The following MSRA variants were observed in gnomAD, a reference collection of about 807,000 sequenced individuals.
MSRA encodes methionine sulfoxide reductase A.
Under a neutral mutation model 31.3 loss-of-function variants are expected in MSRA, and 54 were observed. That is an observed-to-expected ratio of 1.73 (90% CI 1.39 to 2.17). MSRA has a LOEUF of 2.17. MSRA is among the 30% of genes most tolerant of loss of function. MSRA has a pLI of 0.00. For missense variants in MSRA, 507 were observed against 300.9 expected, an observed-to-expected ratio of 1.69 and a Z score of -5.07; for synonymous variants, 169 against 116.5, an observed-to-expected ratio of 1.45 and a Z score of -2.90.
chr8:10,129,980 A>G (rs915040484), intron 1 of MSRA, among the ~76,000 whole-genome samples: 1 of 152,208 alleles, frequency 6.6e-6, no homozygotes, highest in Non-Finnish European at 1.5e-5. Flanking sequence ...GTGAGTTTGT[A>G]TGTGCACCTA....
Position 10,415,340 on chromosome 8 carries a change from G to A in MSRA, c.544-12808G>A, listed in dbSNP as rs564570510. 2.1e-3 allele frequency among the ~76,000 whole-genome samples: 316 copies of A among 152,224 alleles called. 3 individuals carry two copies. The highest frequency in any genetic ancestry group is 6.9e-3 in the African/African-American group (287 of 41,538). On this transcript the variant is annotated intron_variant, in intron 5 of 5. Coordinates refer to ENST00000317173, the MANE Select transcript of MSRA (RefSeq NM_012331.5). ...AGGAAGTAATGGGAAAACAAATGACGGCCACCCACTTCCTCTGGGTTCCCA... is the reference window on the plus strand; with the variant it reads ...AGGAAGTAATGGGAAAACAAATGACAGCCACCCACTTCCTCTGGGTTCCCA...
At chr8:10,323,666 T>G (rs7825984) in intron 5 of MSRA, among the ~76,000 whole-genome samples, 87,000 of 151,842 alleles carry the variant, frequency 0.57, 25,276 homozygotes, top group African/African-American at 0.62. Flanking sequence ...GTAGTTTTTG[T>G]AGAGGTTAAT....
intron 3 of MSRA, among the ~76,000 whole-genome samples, chr8:10,265,339 G>A (rs1798690722): frequency 6.6e-6 from 1 of 152,172 alleles, no homozygotes; most frequent in Non-Finnish European, 1.5e-5. Context: ...ATTGAGGTAG[G>A]ACAGGTGTGT....
intron 2 of MSRA, among the ~76,000 whole-genome samples, chr8:10,229,987 A>G (rs1193732116): frequency 2.0e-5 from 3 of 152,192 alleles, no homozygotes; most frequent in Non-Finnish European, 2.9e-5. Context: ...CTTTTTAGGA[A>G]TCCCTCCATT....
chr8:10,073,396 T>A (rs58730040), intron 1 of MSRA, among the ~76,000 whole-genome samples: 9,197 of 152,258 alleles, frequency 0.06, 911 homozygotes, highest in African/African-American at 0.21. Flanking sequence ...TTTAGCTGTT[T>A]TCTGTGTCTG....
chr8:10,204,702 G>A (rs1384094879), intron 1 of MSRA, among the ~76,000 whole-genome samples: 2 of 152,240 alleles, frequency 1.3e-5, no homozygotes, highest in Non-Finnish European at 2.9e-5. Context: ...CTGTTGTTAA[G>A]TGATGCATAA....
At chr8:10,076,907 G>A (rs570072249) in intron 1 of MSRA, among the ~76,000 whole-genome samples, 3 of 152,018 alleles carry the variant, frequency 2.0e-5, no homozygotes, top group Non-Finnish European at 4.4e-5. Context: ...GGTGTGAGGA[G>A]GGAGAACATT....
At position 10,326,701 on chromosome 8, in the gene MSRA, A is replaced by G. The variant is rs113788379; in HGVS notation, c.543+6712A>G. On this transcript the variant is annotated intron_variant, in intron 5 of 5. Transcript: ENST00000317173. ...ATCTTTTCTTAGCCTCATTAAAAAA[A>G]AAATTTTCCTCAAATCTTTGGTGGA... The G allele has an allele frequency of 2.2e-3, 332 of 152,326 alleles. 5 individuals carry two copies. Among genetic ancestry groups the G allele is most frequent in the African/African-American group, 7.6e-3 (316 of 41,578 alleles). The allele number at this position is 152,326 out of a possible 1,614,324, so 9.4% of individuals were successfully genotyped here.
At chr8:10,408,319 T>G (rs1478713708) in intron 5 of MSRA, among the ~76,000 whole-genome samples, 2 of 152,172 alleles carry the variant, frequency 1.3e-5, no homozygotes, top group Admixed American at 1.3e-4. Context: ...GGCAGATCAC[T>G]TCGGCCCAGG....
chr8:10,254,420 G>A (rs941907261), intron 3 of MSRA, among the ~76,000 whole-genome samples: 2 of 152,186 alleles, frequency 1.3e-5, no homozygotes, highest in Non-Finnish European at 2.9e-5. Flanking sequence ...AGGCTTAAAA[G>A]AAGTCACAGA....
At chr8:10,414,904 A>G (rs1808364671) in intron 5 of MSRA, among the ~76,000 whole-genome samples, 1 of 152,254 alleles carries the variant, frequency 6.6e-6, no homozygotes, top group South Asian at 2.1e-4. Context: ...AAAGACAGGG[A>G]CAGGGAAAGA....
Position 10,317,196 on chromosome 8 carries a change from C to A in MSRA, c.437-2687C>A, listed in dbSNP as rs186823642. Among the ~76,000 whole-genome samples, 11 of 152,292 alleles carry A rather than the reference C, an allele frequency of 7.2e-5. No individual in the cohort carries two copies. The East Asian group carries it at 1.2e-3, about 16-fold the overall frequency. ...CCTGAGGCGTTGTTCCTGACTTGTCCTGATGTTCACTGTCAGCCGGTAACT... is the reference window on the plus strand; with the variant it reads ...CCTGAGGCGTTGTTCCTGACTTGTCATGATGTTCACTGTCAGCCGGTAACT... On this transcript the variant is annotated intron_variant, in intron 4 of 5. Coordinates refer to ENST00000317173, the MANE Select transcript of MSRA (RefSeq NM_012331.5).
At chr8:10,071,401 G>C (rs1797724285) in intron 1 of MSRA, among the ~76,000 whole-genome samples, 1 of 148,276 alleles carries the variant, frequency 6.7e-6, no homozygotes, top group Non-Finnish European at 1.5e-5. Flanking sequence ...CTAGTTTTCT[G>C]TTAGATATGT....
At chr8:10,378,003 C>A (rs1007655007) in intron 5 of MSRA, among the ~76,000 whole-genome samples, 1 of 152,258 alleles carries the variant, frequency 6.6e-6, no homozygotes, top group Admixed American at 6.5e-5. Flanking sequence ...AGCTTCTAAT[C>A]AGCACCACCT....
intron 3 of MSRA, among the ~76,000 whole-genome samples, chr8:10,284,327 T>C (rs1214647130): frequency 6.6e-6 from 1 of 152,110 alleles, no homozygotes; most frequent in Non-Finnish European, 1.5e-5. Context: ...TAGCTGGGAC[T>C]ATAGGCGCCC....
chr8:10,178,721 G>A lies in MSRA; in HGVS notation c.143-29112G>A, dbSNP rs1051626834. Among the ~76,000 whole-genome samples the A allele has an allele frequency of 2.0e-5, 3 of 152,150 alleles. No individual in the cohort carries two copies. The East Asian group carries it at 5.8e-4, about 29-fold the overall frequency. ...AATTCAAAGTAACCCAGGTTCATAA[G>A]TAGGCTGTGATGTTGAAAGATTGGA... is the stretch of plus-strand genomic sequence containing the variant. On this transcript the variant is annotated intron_variant, in intron 1 of 5. Coordinates refer to ENST00000317173, the MANE Select transcript of MSRA (RefSeq NM_012331.5).
intron 1 of MSRA, among the ~76,000 whole-genome samples, chr8:10,087,911 A>T (rs1798651030): frequency 1.3e-5 from 2 of 152,216 alleles, no homozygotes; most frequent in African/African-American, 4.8e-5. Context: ...AAATCACAGA[A>T]ATGGAAGAAT....
At chr8:10,155,232 T>C (rs1804052307) in intron 1 of MSRA, among the ~76,000 whole-genome samples, 1 of 152,126 alleles carries the variant, frequency 6.6e-6, no homozygotes, top group Non-Finnish European at 1.5e-5. Context: ...GAAACTATTT[T>C]GTGTTTATTT....
intron 1 of MSRA, among the ~76,000 whole-genome samples, chr8:10,163,174 T>A (rs994525949): frequency 3.9e-5 from 6 of 152,122 alleles, no homozygotes; most frequent in Non-Finnish European, 5.9e-5. Context: ...GGCACCTTGA[T>A]CTTGGACTTC....
Sources: gnomAD v4.1 joint callset for allele counts (sites outside exome capture counted in the v4.1 genomes callset) on GRCh38, gnomAD v4.1.1 for gene constraint, MANE v1.5 for transcripts, NCBI Gene and HGNC (gene_info 2026-07-23, HGNC 2026-07-21) for gene names.